The following ATP8B4 variants were observed in gnomAD, a reference collection of about 807,000 sequenced individuals.
ATP8B4 encodes ATPase phospholipid transporting 8B4 (putative), also known as probable phospholipid-transporting ATPase IM.
A neutral mutation model predicts 145.6 loss-of-function variants in ATP8B4; 133 were observed. The ratio of observed to expected loss-of-function variants is 0.91; its 90% confidence interval spans 0.79 to 1.05. The LOEUF is 1.05. Among genes scored for constraint, ATP8B4 ranks in the 50% least tolerant of loss-of-function variants. The pLI is 0.00. For missense variants in ATP8B4, 1,458 were observed against 1,425.2 expected, an observed-to-expected ratio of 1.02 and a Z score of -0.37; for synonymous variants, 507 against 492.9, an observed-to-expected ratio of 1.03 and a Z score of -0.38.
chr15:50,024,574 C>T (rs1362952167), intron 6 of ATP8B4, among the ~76,000 whole-genome samples: 1 of 152,176 alleles, frequency 6.6e-6, no homozygotes, highest in African/African-American at 2.4e-5. Context: ...TGGGTGAATA[C>T]TCTTCGTCGT....
intron 23 of ATP8B4, among the ~76,000 whole-genome samples, chr15:49,887,234 A>C (rs1214909673): frequency 6.6e-6 from 1 of 151,866 alleles, no homozygotes; most frequent in South Asian, 2.1e-4. Flanking sequence ...CCTTGGAAAA[A>C]TTTTAAGGCC....
intron 5 of ATP8B4, among the ~76,000 whole-genome samples, chr15:50,040,967 T>C (rs1175174198): frequency 6.6e-6 from 1 of 152,216 alleles, no homozygotes; most frequent in Non-Finnish European, 1.5e-5. Flanking sequence ...TCTGGTGTCA[T>C]TGGCCATGTT....
At chr15:49,963,005 C>T (rs759006170) in intron 13 of ATP8B4, among the ~76,000 whole-genome samples, 14 of 152,094 alleles carry the variant, frequency 9.2e-5, no homozygotes, top group African/African-American at 2.7e-4. Flanking sequence ...AAAATTTTTG[C>T]AATCTATCCA....
intron 13 of ATP8B4, among the ~76,000 whole-genome samples, chr15:49,971,814 A>G (rs899585840): frequency 6.6e-6 from 1 of 152,220 alleles, no homozygotes; most frequent in African/African-American, 2.4e-5. Context: ...GTAAAGACAC[A>G]TGCACACATA....
chr15:49,987,685 A>G, intron 9 of ATP8B4, 136 bp from the exon 10 acceptor site: 1 of 895,470 alleles, frequency 1.1e-6, no homozygotes, highest in Non-Finnish European at 1.6e-6. Flanking sequence ...TGTGCTAGAA[A>G]AAAATAAGCT....
chr15:49,876,073 T>G (rs1433505978), intron 25 of ATP8B4, among the ~76,000 whole-genome samples: 3 of 152,178 alleles, frequency 2.0e-5, no homozygotes, highest in African/African-American at 4.8e-5. Flanking sequence ...TCTACTAACA[T>G]GAATGTTACA....
chr15:50,036,994 A>T (rs1177748511), intron 6 of ATP8B4, among the ~76,000 whole-genome samples: 2 of 152,218 alleles, frequency 1.3e-5, no homozygotes, highest in South Asian at 2.1e-4. Flanking sequence ...TAACACTAAC[A>T]CTATTTCAAA....
rs139111600 is a variant in ATP8B4 at position 50,038,729 on chromosome 15, T to A, written c.362+39A>T. ...ATCGTCAAGAGCTGTTTCAGGGTCC[T>A]AGAAATTTTCAGAATAACCCACAGA... On this transcript the variant is annotated intron_variant, in intron 6 of 27. Transcript: ENST00000284509. 8.9e-5 allele frequency: 138 copies of A among 1,548,160 alleles called. 1 individual carries two copies. The East Asian group carries it at 3.0e-3, about 34-fold the overall frequency.
At chr15:50,065,669 A>G (rs959595724) in intron 3 of ATP8B4, among the ~76,000 whole-genome samples, 1 of 152,164 alleles carries the variant, frequency 6.6e-6, no homozygotes, top group Non-Finnish European at 1.5e-5. Flanking sequence ...ATTCCATTAC[A>G]GCCAAGCTAT....
chr15:50,021,900 A>C (rs2049604461), intron 6 of ATP8B4, among the ~76,000 whole-genome samples: 1 of 152,184 alleles, frequency 6.6e-6, no homozygotes, highest in South Asian at 2.1e-4. Context: ...TAATGTGTGC[A>C]TAGCATATTT....
At chr15:50,146,225 G>A (rs1320051346) in intron 1 of ATP8B4, among the ~76,000 whole-genome samples, 1 of 152,070 alleles carries the variant, frequency 6.6e-6, no homozygotes, top group African/African-American at 2.4e-5. Flanking sequence ...TCTTGGCCAG[G>A]CTGGTCTTGA....
intron 21 of ATP8B4, 95 bp from the exon 22 acceptor site, chr15:49,898,346 T>A: frequency 7.7e-7 from 1 of 1,293,430 alleles, no homozygotes; most frequent in Non-Finnish European, 1.1e-6. Context: ...AACCATTTCA[T>A]TTGTTTGCTA....
intron 1 of ATP8B4, among the ~76,000 whole-genome samples, chr15:50,163,965 T>G (rs540129909): frequency 6.6e-6 from 1 of 152,234 alleles, no homozygotes; most frequent in South Asian, 2.1e-4. Flanking sequence ...TCTCTCAAGG[T>G]CCAAGGGCTC....
chr15:49,858,393 A>G lies in ATP8B4; in HGVS notation c.*1801T>C, dbSNP rs773800179. 16 of 152,248 alleles carry G rather than the reference A, an allele frequency of 1.1e-4. No individual in the cohort carries two copies. Among genetic ancestry groups the G allele is most frequent in the Non-Finnish European group, 2.9e-5 (2 of 68,048 alleles). The allele number at this position is 152,248 out of a possible 1,614,324, so 9.4% of individuals were successfully genotyped here. On this transcript the variant is annotated 3_prime_UTR_variant, in exon 28 of 28. Transcript: ENST00000284509. ...CATGTAAGGGAAAGACAACGTCCAT[A>G]GGCAGTTACTATGGTAAAGGACTGC... is the stretch of plus-strand genomic sequence containing the variant.
At chr15:50,041,535 C>T (rs1163935594) in intron 5 of ATP8B4, among the ~76,000 whole-genome samples, 1 of 152,132 alleles carries the variant, frequency 6.6e-6, no homozygotes, top group Non-Finnish European at 1.5e-5. Context: ...AGAAGAGACC[C>T]CAAAGTACCT....
intron 3 of ATP8B4, among the ~76,000 whole-genome samples, chr15:50,070,374 G>T (rs2053648559): frequency 6.6e-6 from 1 of 152,020 alleles, no homozygotes; most frequent in Admixed American, 6.6e-5. Flanking sequence ...TAGCTCATAG[G>T]GTTGTTGTAT....
At chr15:50,087,011 C>A in intron 2 of ATP8B4, among the ~76,000 whole-genome samples, 2 of 102,846 alleles carry the variant, frequency 1.9e-5, no homozygotes, top group East Asian at 3.1e-4. Context: ...ATATAGAGAT[C>A]TATATTATTA....
chr15:50,032,117 T>A (rs980393172), intron 6 of ATP8B4, among the ~76,000 whole-genome samples: 2 of 152,168 alleles, frequency 1.3e-5, no homozygotes, highest in Non-Finnish European at 1.5e-5. Context: ...GCTGCACCTA[T>A]CAACCCGTCA....
chr15:49,865,600 T>C (rs959482502), intron 26 of ATP8B4, among the ~76,000 whole-genome samples: 1 of 152,168 alleles, frequency 6.6e-6, no homozygotes, highest in African/African-American at 2.4e-5. Context: ...TTGCCGGAAT[T>C]GAATTGGAGA....
Sources: allele counts gnomAD v4.1 joint callset (sites outside exome capture counted in the v4.1 genomes callset), GRCh38; gene constraint gnomAD v4.1.1; transcripts MANE v1.5; gene names NCBI Gene and HGNC (gene_info 2026-07-23, HGNC 2026-07-21).